AVL9: variants seen among roughly 807,000 people sequenced by gnomAD.
AVL9 encodes AVL9 cell migration associated.
In AVL9, 49 loss-of-function variants were observed where a neutral mutation model predicts 79.2. That is an observed-to-expected ratio of 0.62 (90% CI 0.49 to 0.79). AVL9 has a LOEUF of 0.79. Among genes scored for constraint, AVL9 ranks in the 30% least tolerant of loss-of-function variants. AVL9 has a pLI of 0.00. For synonymous variants in AVL9, 299 were observed against 280.6 expected, an observed-to-expected ratio of 1.07 and a Z score of -0.65; for missense variants, 682 against 776.8, an observed-to-expected ratio of 0.88 and a Z score of 1.45.
At chr7:32,501,788 A>C (rs567603334) in intron 1 of AVL9, among the ~76,000 whole-genome samples, 2 of 152,274 alleles carry the variant, frequency 1.3e-5, no homozygotes, top group South Asian at 4.1e-4. Context: ...CATCTACTTC[A>C]TGTCATTGAT....
intron 10 of AVL9, among the ~76,000 whole-genome samples, chr7:32,568,921 C>T (rs1790702061): frequency 2.0e-5 from 3 of 152,120 alleles, no homozygotes; most frequent in African/African-American, 4.8e-5. Context: ...GATCAAGCAA[C>T]AAAAGACATT....
In AVL9 at chr7:32,552,328, C is replaced by T. The variant is rs778193400; in HGVS notation, c.529+33C>T. Reference sequence around the variant, plus strand: ...ACTGACTTACAAGTTAAAAGAGATCCCCTCATTTCTATTTGTTTAGCAAAC... The same window carrying T: ...ACTGACTTACAAGTTAAAAGAGATCTCCTCATTTCTATTTGTTTAGCAAAC... On this transcript the variant is annotated intron_variant, in intron 6 of 15. Transcript: ENST00000318709. 1.2e-5 allele frequency: 16 copies of T among 1,344,924 alleles called. No individual in the cohort carries two copies. In the East Asian group the frequency reaches 3.7e-4, roughly 31 times the overall value. The allele number at this position is 1,344,924 out of a possible 1,614,324, so 83.3% of individuals were successfully genotyped here.
rs753578632 is a variant in AVL9 at position 32,573,456 on chromosome 7, T to C, written c.1570+38T>C. ...ACGGAGCCTACAGCTACCTGTTTTA[T>C]TATAATTTTTCATTTTGTAACATTT... On this transcript the variant is annotated intron_variant, in intron 12 of 15. Coordinates refer to ENST00000318709, the MANE Select transcript of AVL9 (RefSeq NM_015060.3). 4 of 1,544,642 alleles carry C rather than the reference T, an allele frequency of 2.6e-6. No individual in the cohort carries two copies. In the South Asian group the frequency reaches 4.6e-5, roughly 18 times the overall value.
chr7:32,546,069 CTTTTTT>C (rs57046702), intron 3 of AVL9, among the ~76,000 whole-genome samples: 1 of 99,042 alleles, frequency 1.0e-5, no homozygotes, highest in African/African-American at 3.8e-5. Context: ...TACCTGGAGA[CTTTTTT>C]TTTTTTTTAA....
chr7:32,531,162 A>G (rs1788628868), intron 1 of AVL9, among the ~76,000 whole-genome samples: 1 of 152,146 alleles, frequency 6.6e-6, no homozygotes, highest in African/African-American at 2.4e-5. Flanking sequence ...GTGATTGCCT[A>G]TACATTGTTG....
chr7:32,561,720 C>T (rs1358937648), intron 10 of AVL9, among the ~76,000 whole-genome samples: 1 of 145,810 alleles, frequency 6.9e-6, no homozygotes, highest in Non-Finnish European at 1.5e-5. Flanking sequence ...GCATCGACAA[C>T]TTGGCTAACT....
intron 1 of AVL9, among the ~76,000 whole-genome samples, chr7:32,528,386 AAATT>A (rs1788494930): frequency 6.6e-6 from 1 of 152,226 alleles, no homozygotes; most frequent in South Asian, 2.1e-4. Flanking sequence ...TAAACTTTCT[AAATT>A]GAGACTTGTC....
In AVL9 at chr7:32,562,592, G is replaced by GT. The variant is rs1790375657; in HGVS notation, c.1215+3128_1215+3129insT. 4 of 970,648 alleles carry GT rather than the reference G, an allele frequency of 4.1e-6. No homozygotes were observed. In the African/African-American group the frequency reaches 7.0e-5, roughly 17 times the overall value. 60.1% of individuals were successfully genotyped at this position (970,648 alleles called of 1,614,324 possible). A position where few individuals can be genotyped will look rare whatever the true frequency, so the allele number is the denominator to read the frequency against. ...GATATCATTTCTTAATGTCAGTAAT[G>GT]CATTAAGATGAAGCAGTCAACTTCA... is the stretch of plus-strand genomic sequence containing the variant. On this transcript the variant is annotated intron_variant, in intron 10 of 15. Transcript: ENST00000318709.
chr7:32,549,213 A>T (rs199701603), intron 4 of AVL9, among the ~76,000 whole-genome samples: 1 of 36,874 alleles, frequency 2.7e-5, no homozygotes. Context: ...AAAAAATTTT[A>T]TATATATATA....
intron 2 of AVL9, 99 bp downstream of exon 2, chr7:32,543,360 T>C: frequency 7.2e-7 from 1 of 1,380,816 alleles, no homozygotes; most frequent in South Asian, 1.4e-5. Context: ...GCCTTCAGCC[T>C]GTTAGAACTA....
intron 1 of AVL9, chr7:32,532,524 T>C (rs989052409): frequency 2.0e-5 from 3 of 148,680 alleles, no homozygotes; most frequent in Non-Finnish European, 3.0e-5. Flanking sequence ...AGTCCTGATA[T>C]TCTGTTTCAC....
At chr7:32,566,926 G>T (rs76225356) in intron 10 of AVL9, among the ~76,000 whole-genome samples, 1 of 152,314 alleles carries the variant, frequency 6.6e-6, no homozygotes, top group East Asian at 1.9e-4. Context: ...TTGAGAGATA[G>T]GGAAGATTAT....
intron 5 of AVL9, 86 bp downstream of exon 5, chr7:32,551,509 A>G: frequency 1.5e-6 from 1 of 655,356 alleles, no homozygotes; most frequent in East Asian, 2.9e-5. Context: ...TGTGAAGGAT[A>G]ATTATTACCT....
At chr7:32,542,980 C>T (rs1334806936) in intron 1 of AVL9, among the ~76,000 whole-genome samples, 161 bp from the exon 2 acceptor site, 2 of 152,110 alleles carry the variant, frequency 1.3e-5, no homozygotes, top group African/African-American at 4.8e-5. Context: ...CTTTTTTTCC[C>T]CCTCTTCCAT....
chr7:32,544,550 T>C, intron 2 of AVL9, 144 bp from the exon 3 acceptor site: 1 of 602,512 alleles, frequency 1.7e-6, no homozygotes, highest in Non-Finnish European at 2.9e-6. Flanking sequence ...CCATTGGTTG[T>C]GGTGCTACAA....
intron 1 of AVL9, among the ~76,000 whole-genome samples, chr7:32,520,743 T>C (rs185437641): frequency 1.6e-4 from 25 of 152,280 alleles, no homozygotes; most frequent in Middle Eastern, 3.4e-3. Flanking sequence ...CACAGAATCA[T>C]ATGACTGTTT....
At chr7:32,570,927 A>C (rs895915636) in intron 11 of AVL9, among the ~76,000 whole-genome samples, 2 of 143,312 alleles carry the variant, frequency 1.4e-5, no homozygotes, top group Non-Finnish European at 3.0e-5. Flanking sequence ...AGCCTGAAAT[A>C]ATTTTTGAGA....
chr7:32,497,033 G>A (rs928394285), intron 1 of AVL9, among the ~76,000 whole-genome samples: 2 of 152,338 alleles, frequency 1.3e-5, no homozygotes, highest in South Asian at 2.1e-4. Flanking sequence ...CCAGGAGGCT[G>A]AGGCTACAGT....
intron 10 of AVL9, chr7:32,562,783 A>G (rs1334411749): frequency 2.3e-5 from 4 of 177,136 alleles, no homozygotes; most frequent in Non-Finnish European, 4.4e-5. Flanking sequence ...TTATCTGGAC[A>G]TGGTGGCATA....
Sources: gnomAD v4.1 joint callset for allele counts (sites outside exome capture counted in the v4.1 genomes callset) on GRCh38, gnomAD v4.1.1 for gene constraint, MANE v1.5 for transcripts, NCBI Gene and HGNC (gene_info 2026-07-23, HGNC 2026-07-21) for gene names.